The following KMT2C variants were observed in gnomAD, a reference collection of about 807,000 sequenced individuals.
KMT2C encodes lysine methyltransferase 2C, also known as histone-lysine N-methyltransferase 2C.
A neutral mutation model predicts 507.9 loss-of-function variants in KMT2C; 88 were observed. That is an observed-to-expected ratio of 0.17 (90% CI 0.15 to 0.21). KMT2C has a LOEUF of 0.21. Ranked by LOEUF, KMT2C falls within the 10% of genes least tolerant of loss-of-function variation. KMT2C has a pLI of 1.00. For missense variants in KMT2C, 4,954 were observed against 5,957.8 expected, an observed-to-expected ratio of 0.83 and a Z score of 5.55; for synonymous variants, 2,049 against 2,080.8, an observed-to-expected ratio of 0.98 and a Z score of 0.42.
chr7:152,349,938 TA>T (rs2097096699), intron 2 of KMT2C, among the ~76,000 whole-genome samples: 1 of 152,142 alleles, frequency 6.6e-6, no homozygotes, highest in Non-Finnish European at 1.5e-5. Flanking sequence ...GCTACAAACC[TA>T]AAATTGCTCT....
intron 9 of KMT2C, among the ~76,000 whole-genome samples, chr7:152,253,845 T>A (rs1282550681): frequency 1.3e-5 from 2 of 152,078 alleles, no homozygotes; most frequent in African/African-American, 4.8e-5. Context: ...GTTTATGAAG[T>A]AAAAGGCCAA....
rs2129113583 is a variant in KMT2C, at chr7:152,176,749, C to T, written c.8704G>A (p.Ala2902Thr). Residue 2902 changes from alanine (A) to threonine (T), a missense_variant, in exon 38 of 59, where the codon GCT becomes ACT. Physicochemically the swap from Ala to Thr is moderately conservative, Grantham distance 58. Coordinates refer to ENST00000262189, the MANE Select transcript of KMT2C (RefSeq NM_170606.3). ...CCACAAGAGTTTATTACATCTTGAG[C>T]AGGTAGTTGAGTGGATGCCTGAATG... Reference protein sequence around the residue: ...NVIQASTQLPAQDVINSCGIT... With the variant: ...NVIQASTQLPTQDVINSCGIT... The T allele has an allele frequency of 1.2e-6, 2 of 1,614,144 alleles. No homozygotes were observed. Among genetic ancestry groups the T allele is most frequent in the Non-Finnish European group, 1.7e-6 (2 of 1,180,012 alleles).
rs564017126 is a variant in KMT2C at position 152,379,638 on chromosome 7, T to C, written c.162-20963A>G. 2.6e-5 allele frequency among the ~76,000 whole-genome samples: 4 copies of C among 152,350 alleles called. No individual in the cohort carries two copies. In the South Asian group the frequency reaches 8.3e-4, roughly 32 times the overall value. On this transcript the variant is annotated intron_variant, in intron 1 of 58. Coordinates refer to ENST00000262189, the MANE Select transcript of KMT2C (RefSeq NM_170606.3). ...GCTGAAGTAGGAGGATCACTTGAGC[T>C]AGAGGATCACTTGACCCCAGGAGTT...
intron 16 of KMT2C, among the ~76,000 whole-genome samples, chr7:152,231,618 C>CA: frequency 6.6e-6 from 1 of 151,938 alleles, no homozygotes. Context: ...CTGTCTCTAC[C>CA]AAAAATACAA....
intron 2 of KMT2C, among the ~76,000 whole-genome samples, chr7:152,356,744 G>T (rs541580872): frequency 1.3e-3 from 194 of 150,884 alleles, no homozygotes; most frequent in African/African-American, 4.3e-3. Flanking sequence ...ACAAAAATTA[G>T]CGAGGCGTGG....
chr7:152,250,631 T>C (rs577263131), intron 12 of KMT2C, among the ~76,000 whole-genome samples: 7 of 152,304 alleles, frequency 4.6e-5, no homozygotes, highest in African/African-American at 1.7e-4. Context: ...AATCACTTGG[T>C]CCCTTAACCA....
intron 23 of KMT2C, among the ~76,000 whole-genome samples, chr7:152,214,220 T>C (rs1277448182): frequency 6.6e-6 from 1 of 151,290 alleles, no homozygotes; most frequent in Non-Finnish European, 1.5e-5. Flanking sequence ...GTTGGGCATA[T>C]ATTCAAAGGT....
At position 152,343,541 on chromosome 7, in the gene KMT2C, GGAA is replaced by G. The variant is rs551595383; in HGVS notation, c.251-12805_251-12803del. On this transcript the variant is annotated intron_variant, in intron 2 of 58. Coordinates refer to ENST00000262189, the MANE Select transcript of KMT2C (RefSeq NM_170606.3). ...AAATACCAAAAAGAGACAAAAGAGA[GGAA>G]GAAGAAGAAATATTCCTCAAATTAA... 1.5e-4 allele frequency among the ~76,000 whole-genome samples: 23 copies of G among 149,772 alleles called. 1 individual carries two copies. The highest frequency in any genetic ancestry group is 8.4e-4 in the South Asian group (4 of 4,768).
At chr7:152,355,519 G>A (rs1306460421) in intron 2 of KMT2C, among the ~76,000 whole-genome samples, 2 of 151,340 alleles carry the variant, frequency 1.3e-5, no homozygotes, top group African/African-American at 2.4e-5. Context: ...CGAAGAGAAT[G>A]AGAAAAAACC....
intron 1 of KMT2C, among the ~76,000 whole-genome samples, chr7:152,382,367 T>C (rs1479169849): frequency 6.6e-6 from 1 of 152,188 alleles, no homozygotes; most frequent in Non-Finnish European, 1.5e-5. Context: ...CCTATTTGCC[T>C]TTCTACTTCT....
chr7:152,343,036 A>G (rs1417645181), intron 2 of KMT2C, among the ~76,000 whole-genome samples: 1 of 152,160 alleles, frequency 6.6e-6, no homozygotes, highest in Non-Finnish European at 1.5e-5. Context: ...ACATTACTAC[A>G]GGCCTATTTA....
intron 9 of KMT2C, among the ~76,000 whole-genome samples, chr7:152,259,444 G>GTGCACACA: frequency 1.2e-5 from 1 of 85,438 alleles, no homozygotes; most frequent in South Asian, 3.7e-4. Context: ...ACACACACAC[G>GTGCACACA]CGCACACACA....
At chr7:152,424,499 T>C (rs1008332054) in intron 1 of KMT2C, among the ~76,000 whole-genome samples, 25 of 152,284 alleles carry the variant, frequency 1.6e-4, no homozygotes, top group Non-Finnish European at 3.1e-4. Context: ...AATGGTTCAC[T>C]GCAGCCTCAC....
chr7:152,412,682 CAAAT>C (rs1467941092), intron 1 of KMT2C, among the ~76,000 whole-genome samples: 4 of 151,972 alleles, frequency 2.6e-5, no homozygotes, highest in Admixed American at 6.6e-5. Context: ...TTTTAATAAA[CAAAT>C]AAACTAGCTT....
intron 14 of KMT2C, among the ~76,000 whole-genome samples, chr7:152,245,281 T>A (rs2095452123): frequency 6.6e-6 from 1 of 152,100 alleles, no homozygotes; most frequent in African/African-American, 2.4e-5. Flanking sequence ...ATTCCGGAAC[T>A]GCTGTTTTTA....
chr7:152,184,145 A>C (rs1229051514), intron 34 of KMT2C, among the ~76,000 whole-genome samples: 1 of 151,252 alleles, frequency 6.6e-6, no homozygotes, highest in Admixed American at 6.6e-5. Flanking sequence ...AAATCTGGAT[A>C]TTTGAAACGT....
At position 152,156,222 on chromosome 7, in the gene KMT2C, A is replaced by C. The variant is rs764282606; in HGVS notation, c.11795T>G (p.Val3932Gly). ...AATCATACCTTCATGGCTCACTAAC[A>C]CTCCGGCTTTTCCAGCAAGTTCTTC... ...TTEELAGKAGVLVSHEVTKTL... is the reference protein window; with the variant it reads ...TTEELAGKAGGLVSHEVTKTL... Residue 3932 changes from valine to glycine, a missense_variant, in exon 45 of 59, where the codon GTG becomes GGG. By Grantham distance (109) the Val-to-Gly change is moderately radical. Coordinates refer to ENST00000262189, the MANE Select transcript of KMT2C (RefSeq NM_170606.3). 6.2e-7 allele frequency: 1 copy of C among 1,613,982 alleles called. No homozygotes were observed. The highest frequency in any genetic ancestry group is 8.5e-7 in the Non-Finnish European group (1 of 1,179,996).
rs2093600530 is a variant in KMT2C at position 152,185,552 on chromosome 7, A to T, written c.5082+6T>A. 6.2e-7 allele frequency: 1 copy of T among 1,611,674 alleles called. No individual in the cohort carries two copies. Among genetic ancestry groups the T allele is most frequent in the Non-Finnish European group, 8.5e-7 (1 of 1,177,936 alleles). On this transcript the variant is annotated splice_donor_region_variant and intron_variant, in intron 34 of 58. Coordinates refer to ENST00000262189, the MANE Select transcript of KMT2C (RefSeq NM_170606.3). ...ATTTAAAAGATAGAGGAGTTTCTTA[A>T]AATACCACATATGGTGCTCTTTCTT...
chr7:152,259,746 C>A (rs1471172872), intron 9 of KMT2C, among the ~76,000 whole-genome samples: 1 of 152,214 alleles, frequency 6.6e-6, no homozygotes, highest in African/African-American at 2.4e-5. Flanking sequence ...CTCCAGCTCA[C>A]CAGGGAGCAG....
Sources: allele counts gnomAD v4.1 joint callset (sites outside exome capture counted in the v4.1 genomes callset), GRCh38; gene constraint gnomAD v4.1.1; transcripts MANE v1.5; gene names NCBI Gene and HGNC (gene_info 2026-07-23, HGNC 2026-07-21).